The following RAB37 variants were observed in gnomAD, a reference collection of about 807,000 sequenced individuals.
The protein encoded by RAB37 is ras-related protein Rab-37.
In RAB37, 29 loss-of-function variants were observed where a neutral mutation model predicts 33.1. The ratio of observed to expected loss-of-function variants is 0.88; its 90% confidence interval spans 0.65 to 1.20. The LOEUF is 1.20. RAB37 is among the 50% of genes most tolerant of loss of function. The pLI is 0.00. For missense variants in RAB37, 299 were observed against 301.1 expected, an observed-to-expected ratio of 0.99 and a Z score of 0.05; for synonymous variants, 128 against 119.5, an observed-to-expected ratio of 1.07 and a Z score of -0.47.
In RAB37 at chr17:74,745,521, T is replaced by C; in HGVS notation, c.*110T>C. 2.3e-6 allele frequency: 2 copies of C among 852,872 alleles called. No homozygotes were observed. The highest frequency in any genetic ancestry group is 1.5e-5 in the South Asian group (1 of 65,534). 52.8% of individuals were successfully genotyped at this position (852,872 alleles called of 1,614,324 possible). On this transcript the variant is annotated 3_prime_UTR_variant, in exon 9 of 9. Transcript: ENST00000392613. This position sits in a 1 kb window ranked among gnomAD's most constrained non-coding sequence, Gnocchi z 4.5. ...GCCAATGGGGAGAAAGATGGAGGAC[T>C]CACTGCACAGCCGCTTCCTAGCAGG...
intron 1 of RAB37, among the ~76,000 whole-genome samples, chr17:74,726,249 A>AG (rs2034305978): frequency 6.6e-6 from 1 of 151,452 alleles, no homozygotes; most frequent in African/African-American, 2.4e-5. Flanking sequence ...AAAAAAAAAA[A>AG]AAGACCATGA....
chr17:74,740,831 G>T lies in RAB37; in HGVS notation c.157G>T (p.Ala53Ser). 1 of 1,614,118 alleles carries T rather than the reference G, an allele frequency of 6.2e-7. No homozygotes were observed. Among genetic ancestry groups the T allele is most frequent in the Non-Finnish European group, 8.5e-7 (1 of 1,180,022 alleles). Residue 53 changes from alanine to serine, a missense_variant, in exon 2 of 9, where the codon GCC (alanine) becomes TCC (serine). By Grantham distance (99) the Ala-to-Ser change is moderately conservative (BLOSUM62 1). Coordinates refer to ENST00000392613, the MANE Select transcript of RAB37 (RefSeq NM_001006638.3). Reference protein sequence around the residue: ...TCFLIQFKDGAFLSGTFIATV... With the variant: ...TCFLIQFKDGSFLSGTFIATV... ...TTTCCTGATCCAATTCAAAGACGGG[G>T]CCTTCCTGTCCGGAACCTTCATAGC...
At chr17:74,736,356 C>G, upstream of RAB37, among the ~76,000 whole-genome samples, 1 of 152,194 alleles carries the variant, frequency 6.6e-6, no homozygotes, top group East Asian at 1.9e-4. Context: ...ATTGAAAGGT[C>G]GGCCCAGGCC....
At chr17:74,704,669 A>T in intron 1 of RAB37, 1 of 1,614,146 alleles carries the variant, frequency 6.2e-7, no homozygotes, top group South Asian at 1.1e-5. Flanking sequence ...TTTAACAAGG[A>T]TCTTGCAGTC....
At chr17:74,687,325 G>A (rs2032074104) in intron 1 of RAB37, among the ~76,000 whole-genome samples, 1 of 152,068 alleles carries the variant, frequency 6.6e-6, no homozygotes, top group Non-Finnish European at 1.5e-5. Context: ...CCAGGTTCAA[G>A]CAATTCTCCT....
At chr17:74,711,882 C>CT (rs368059740) in intron 1 of RAB37, among the ~76,000 whole-genome samples, 5 of 147,732 alleles carry the variant, frequency 3.4e-5, no homozygotes, top group South Asian at 2.2e-4. Flanking sequence ...TGTTTTCTTT[C>CT]TTTTTTTTTC....
intron 1 of RAB37, among the ~76,000 whole-genome samples, chr17:74,709,533 T>G (rs2033794152): frequency 6.6e-6 from 1 of 152,152 alleles, no homozygotes; most frequent in Non-Finnish European, 1.5e-5. Flanking sequence ...TTAAAAAGAC[T>G]TTTAGGACAC....
At chr17:74,680,740 TG>T (rs1461788816) in intron 1 of RAB37, among the ~76,000 whole-genome samples, 1 of 152,146 alleles carries the variant, frequency 6.6e-6, no homozygotes, top group Non-Finnish European at 1.5e-5. Context: ...TCCTTGCCTT[TG>T]AGCTTGAGAA....
chr17:74,706,641 C>T (rs758822967), intron 1 of RAB37, among the ~76,000 whole-genome samples: 9 of 152,118 alleles, frequency 5.9e-5, no homozygotes, highest in Non-Finnish European at 1.5e-5. Flanking sequence ...GCACTCCAGC[C>T]TGGGCAACAA....
Position 74,740,754 on chromosome 17 carries a change from C to T in RAB37, c.94-14C>T. On this transcript the variant is annotated splice_polypyrimidine_tract_variant and intron_variant, in intron 1 of 8. Coordinates refer to ENST00000392613, the MANE Select transcript of RAB37 (RefSeq NM_001006638.3). Reference sequence around the variant, plus strand: ...CCTGACTCCCCATTAACTGCCTCTGCCCCTACCCCCTAGGTGATGCTTCTG... The same window carrying T: ...CCTGACTCCCCATTAACTGCCTCTGTCCCTACCCCCTAGGTGATGCTTCTG... The T allele has an allele frequency of 6.3e-7, 1 of 1,590,508 alleles. No individual in the cohort carries two copies. Among genetic ancestry groups the T allele is most frequent in the Non-Finnish European group, 8.6e-7 (1 of 1,158,930 alleles).
chr17:74,699,098 T>C (rs143207098), intron 1 of RAB37, among the ~76,000 whole-genome samples: 1,704 of 152,234 alleles, frequency 0.011, 13 homozygotes, highest in Admixed American at 0.018. Context: ...TTTGTATTTT[T>C]AGTAGAGACA....
intron 1 of RAB37, among the ~76,000 whole-genome samples, chr17:74,728,399 ATG>A (rs1188806048): frequency 6.0e-5 from 9 of 150,086 alleles, no homozygotes; most frequent in Admixed American, 3.3e-4. Context: ...ATCTGTGTGC[ATG>A]TGTGTGTTCT....
Position 74,732,169 on chromosome 17 carries a change from G to A in RAB37, c.183+2803G>A, listed in dbSNP as rs533564852. Among the ~76,000 whole-genome samples the A allele has an allele frequency of 1.6e-4, 24 of 152,298 alleles. No individual in the cohort carries two copies. The East Asian group carries it at 2.5e-3, about 16-fold the overall frequency. ...AGTGGTTTTCGAACACTCCTTCAGC[G>A]CACATAAAAGCCTCCAGGGGGAAGC... On this transcript the variant is annotated intron_variant, in intron 2 of 7. Transcript: ENST00000340415.
chr17:74,684,086 T>TTTTA (rs927700011), intron 1 of RAB37, among the ~76,000 whole-genome samples: 39 of 152,104 alleles, frequency 2.6e-4, no homozygotes, highest in African/African-American at 5.1e-4. Flanking sequence ...AGAGTCATTA[T>TTTTA]TTTATTTATT....
chr17:74,671,558 G>C lies in RAB37; in HGVS notation c.-29G>C. On this transcript the variant is annotated 5_prime_UTR_variant, in exon 1 of 8. Transcript: ENST00000340415. The surrounding 1 kb of genome is among the most constrained non-coding windows in gnomAD (Gnocchi z 5.0). ...GAAGCGCTGACGCAGAGCGCAGGGA[G>C]AGCCGGAGCGGCGAGCTCCAAGCCT... 6.2e-7 allele frequency: 1 copy of C among 1,612,210 alleles called. No homozygotes were observed. Among genetic ancestry groups the C allele is most frequent in the South Asian group, 1.1e-5 (1 of 91,042 alleles).
intron 1 of RAB37, chr17:74,703,078 T>A (rs1434617554): frequency 6.2e-7 from 1 of 1,613,978 alleles, no homozygotes; most frequent in Non-Finnish European, 8.5e-7. Flanking sequence ...GAGCTGCTAG[T>A]TTCTTCTTGG....
At chr17:74,733,982 C>T (rs77763724), upstream of RAB37, among the ~76,000 whole-genome samples, 2,754 of 152,266 alleles carry the variant, frequency 0.018, 102 homozygotes, top group East Asian at 0.16. Context: ...AGTGCAGCAA[C>T]GCAGCAGGGA....
At chr17:74,716,656 G>A (rs576547827) in intron 1 of RAB37, among the ~76,000 whole-genome samples, 1 of 152,204 alleles carries the variant, frequency 6.6e-6, no homozygotes, top group African/African-American at 2.4e-5. Flanking sequence ...TTCAAACCCA[G>A]GCCTGGTTCA....
chr17:74,717,151 T>C (rs2034175812), intron 1 of RAB37, among the ~76,000 whole-genome samples: 1 of 152,030 alleles, frequency 6.6e-6, no homozygotes, highest in Admixed American at 6.6e-5. Context: ...TAAAATAAAA[T>C]GAAATAAAAC....
Sources: allele counts gnomAD v4.1 joint callset (sites outside exome capture counted in the v4.1 genomes callset), GRCh38; gene constraint gnomAD v4.1.1; non-coding constraint Gnocchi (gnomAD v3.1); transcripts MANE v1.5; gene names NCBI Gene and HGNC (gene_info 2026-07-23, HGNC 2026-07-21).